The following FGF12 variants were observed in gnomAD, a reference collection of about 807,000 sequenced individuals.
FGF12 encodes the protein fibroblast growth factor 12, also known as fibroblast growth factor 12B.
FGF12 carries 14 observed loss-of-function variants against 23.6 expected under a neutral mutation model. The observed-to-expected ratio is 0.59, with a 90% CI of 0.39 to 0.93. FGF12 has a LOEUF of 0.93. Among genes scored for constraint, FGF12 ranks in the 40% least tolerant of loss-of-function variants. The pLI, the probability that FGF12 is intolerant of heterozygous loss-of-function variation, is 0.00. For missense variants in FGF12, 175 were observed against 217.8 expected, an observed-to-expected ratio of 0.80 and a Z score of 1.24; for synonymous variants, 62 against 77.3, an observed-to-expected ratio of 0.80 and a Z score of 1.04.
At chr3:192,575,693 A>G (rs1170946498) in intron 2 of FGF12, among the ~76,000 whole-genome samples, 2 of 151,702 alleles carry the variant, frequency 1.3e-5, no homozygotes, top group Non-Finnish European at 2.9e-5. Context: ...TCTTAAGCCT[A>G]GTTTCTTTCT....
At chr3:192,331,946 A>T (rs1428970006) in intron 4 of FGF12, among the ~76,000 whole-genome samples, 1 of 152,136 alleles carries the variant, frequency 6.6e-6, no homozygotes, top group Non-Finnish European at 1.5e-5. Flanking sequence ...AGACATTTTC[A>T]TGGAAACCAA....
At chr3:192,189,001 G>A (rs530342919) in intron 4 of FGF12, among the ~76,000 whole-genome samples, 5 of 152,286 alleles carry the variant, frequency 3.3e-5, no homozygotes, top group Admixed American at 2.6e-4. Flanking sequence ...CTGGAGTTAC[G>A]TGACCCAGGC....
intron 2 of FGF12, among the ~76,000 whole-genome samples, chr3:192,683,827 T>C (rs13094110): frequency 0.52 from 79,044 of 151,964 alleles, 20,947 homozygotes; most frequent in East Asian, 0.82. Context: ...ATCACTGATG[T>C]AAACTGAGCC....
intron 2 of FGF12, among the ~76,000 whole-genome samples, chr3:192,705,472 T>C (rs1033724756): frequency 7.9e-5 from 12 of 152,350 alleles, no homozygotes; most frequent in Admixed American, 3.9e-4. Flanking sequence ...GAAACAGATT[T>C]TGGTGTGATA....
chr3:192,163,233 G>C (rs1342824792), intron 5 of FGF12, among the ~76,000 whole-genome samples: 3 of 151,950 alleles, frequency 2.0e-5, no homozygotes, highest in Non-Finnish European at 4.4e-5. Context: ...GCCAAATTTT[G>C]ACCCAAAGAA....
Position 192,360,536 on chromosome 3 carries a change from G to C in FGF12, c.16C>G (p.Pro6Ala). ...CTTGTCACAATCCCTTTGAGCTGGG[G>C]TTCTGCAAAACAAAATAATTATTCA... MESKE[P>A]QLKGIVTRLF... The change falls in exon 3 of 6, where the codon CCC becomes GCC. Residue 6 changes from proline (P) to alanine (A), a missense_variant and splice_region_variant. By Grantham distance (27) the Pro-to-Ala change is conservative. Coordinates refer to ENST00000445105, the MANE Select transcript of FGF12 (RefSeq NM_004113.6). The surrounding 1 kb of genome is among the most constrained non-coding windows in gnomAD (Gnocchi z 4.3). 6.2e-7 allele frequency: 1 copy of C among 1,610,922 alleles called. No homozygotes were observed. The highest frequency in any genetic ancestry group is 8.5e-7 in the Non-Finnish European group (1 of 1,177,218).
intron 2 of FGF12, among the ~76,000 whole-genome samples, chr3:192,687,737 G>A (rs1439277771): frequency 2.0e-5 from 3 of 151,950 alleles, no homozygotes; most frequent in Admixed American, 6.5e-5. Flanking sequence ...CCCAGAACTG[G>A]CCCTTGCAGC....
At chr3:192,407,879 G>T in intron 2 of FGF12, 1 of 900,744 alleles carries the variant, frequency 1.1e-6, no homozygotes, top group Non-Finnish European at 1.7e-6. Context: ...TGACAGAGTG[G>T]TTGAAAGAAG....
At chr3:192,326,276 G>A (rs902769093) in intron 4 of FGF12, among the ~76,000 whole-genome samples, 8 of 152,176 alleles carry the variant, frequency 5.3e-5, no homozygotes, top group African/African-American at 1.9e-4. Context: ...TGGGGCTGCA[G>A]AAATTGGGAA....
intron 2 of FGF12, among the ~76,000 whole-genome samples, chr3:192,508,571 T>C (rs534750672): frequency 6.6e-6 from 1 of 152,374 alleles, no homozygotes; most frequent in South Asian, 2.1e-4. Context: ...AATGGATTTA[T>C]GTTGAAGCAA....
In FGF12 at chr3:192,479,610, A is replaced by G. The variant is rs141326705; in HGVS notation, c.14-119072T>C. Among the ~76,000 whole-genome samples the G allele has an allele frequency of 6.8e-3, 1,028 of 152,238 alleles. 9 individuals are homozygous for G. The highest frequency in any genetic ancestry group is 0.024 in the African/African-American group (978 of 41,534). On this transcript the variant is annotated intron_variant, in intron 2 of 5. Coordinates refer to ENST00000445105, the MANE Select transcript of FGF12 (RefSeq NM_004113.6). ...TACTCTTGAATGGTAGGTGTGAGTA[A>G]GGTGGGGGAGAAAAATAGCAGCATG...
chr3:192,517,878 A>G (rs866951280), intron 2 of FGF12, among the ~76,000 whole-genome samples: 1 of 152,194 alleles, frequency 6.6e-6, no homozygotes, highest in African/African-American at 2.4e-5. Context: ...TTCCACAATT[A>G]GGCACACAGA....
At chr3:192,711,809 C>T (rs1003941119) in intron 2 of FGF12, among the ~76,000 whole-genome samples, 1 of 151,950 alleles carries the variant, frequency 6.6e-6, no homozygotes, top group Non-Finnish European at 1.5e-5. Context: ...ACAAACACTG[C>T]GGAAGTTCCC....
intron 4 of FGF12, among the ~76,000 whole-genome samples, chr3:192,222,758 T>C (rs901945197): frequency 2.0e-5 from 3 of 152,150 alleles, no homozygotes; most frequent in Non-Finnish European, 4.4e-5. Context: ...TGGGGAATGG[T>C]AAATCTATTC....
At chr3:192,322,610 T>C (rs766771448) in intron 4 of FGF12, among the ~76,000 whole-genome samples, 3 of 152,198 alleles carry the variant, frequency 2.0e-5, no homozygotes, top group Non-Finnish European at 4.4e-5. Flanking sequence ...TGTAGAGATA[T>C]AGTAACCAAA....
At chr3:192,632,278 A>G (rs1481203020) in intron 2 of FGF12, among the ~76,000 whole-genome samples, 1 of 152,220 alleles carries the variant, frequency 6.6e-6, no homozygotes, top group Admixed American at 6.5e-5. Flanking sequence ...CTTGATATAC[A>G]TATTTTACTT....
chr3:192,349,275 C>G (rs1445679942), intron 3 of FGF12, among the ~76,000 whole-genome samples: 1 of 152,048 alleles, frequency 6.6e-6, no homozygotes, highest in Non-Finnish European at 1.5e-5. Context: ...GAAATGAATT[C>G]TACTTACTGT....
intron 2 of FGF12, among the ~76,000 whole-genome samples, chr3:192,586,474 A>G (rs945273001): frequency 1.3e-5 from 2 of 152,220 alleles, no homozygotes; most frequent in African/African-American, 4.8e-5. Context: ...TCAGTATAGT[A>G]CCTGACAAAT....
chr3:192,173,756 A>C (rs1483252816), intron 4 of FGF12, among the ~76,000 whole-genome samples: 2 of 152,216 alleles, frequency 1.3e-5, no homozygotes, highest in African/African-American at 4.8e-5. Context: ...TTTATAAAGA[A>C]GTTAGGAAAA....
Sources: gnomAD v4.1 joint callset for allele counts (sites outside exome capture counted in the v4.1 genomes callset) on GRCh38, gnomAD v4.1.1 for gene constraint, Gnocchi (gnomAD v3.1) non-coding constraint, MANE v1.5 for transcripts, NCBI Gene and HGNC (gene_info 2026-07-23, HGNC 2026-07-21) for gene names.